The following YEATS4 variants were observed in gnomAD, a reference collection of about 807,000 sequenced individuals.
The protein encoded by YEATS4 is YEATS domain-containing protein 4.
YEATS4 carries 17 observed loss-of-function variants against 30.1 expected under a neutral mutation model. The observed-to-expected ratio is 0.56, with a 90% CI of 0.39 to 0.85. The LOEUF is 0.85. Ranked by LOEUF, YEATS4 falls within the 40% of genes least tolerant of loss-of-function variation. YEATS4 has a pLI of 0.00. For missense variants in YEATS4, 142 were observed against 268.3 expected (o/e 0.53, Z 3.29); for synonymous variants, 85 against 87.5 (o/e 0.97, Z 0.16).
chr12:69,383,868 G>T (rs1283434838), intron 6 of YEATS4, among the ~76,000 whole-genome samples: 1 of 152,152 alleles, frequency 6.6e-6, no homozygotes, highest in Non-Finnish European at 1.5e-5. Flanking sequence ...AGCAAGATAC[G>T]GGGTCAAGAG....
At chr12:69,367,804 G>C (rs1379314138) in intron 4 of YEATS4, among the ~76,000 whole-genome samples, 3 of 152,202 alleles carry the variant, frequency 2.0e-5, no homozygotes, top group Non-Finnish European at 4.4e-5. Context: ...GATGTTGAGA[G>C]GGAGAGAGAA....
the YEATS4 span, among the ~76,000 whole-genome samples, chr12:69,426,435 A>G: frequency 2.6e-5 from 4 of 152,132 alleles, no homozygotes; most frequent in African/African-American, 4.8e-5. Context: ...CAGTGGCGCC[A>G]TCTCGGCTCA....
chr12:69,425,428 T>C, the YEATS4 span, among the ~76,000 whole-genome samples: 1 of 152,214 alleles, frequency 6.6e-6, no homozygotes, highest in Admixed American at 6.5e-5. Context: ...CAGATTTGCC[T>C]GACTGGCTTC....
intron 6 of YEATS4, among the ~76,000 whole-genome samples, chr12:69,375,196 G>T (rs1268255901): frequency 1.3e-5 from 2 of 149,732 alleles, no homozygotes; most frequent in Admixed American, 6.6e-5. Flanking sequence ...CGGGGCGGCC[G>T]GTCAGAGACG....
chr12:69,415,765 G>C, the YEATS4 span, among the ~76,000 whole-genome samples: 1 of 152,144 alleles, frequency 6.6e-6, no homozygotes, highest in Non-Finnish European at 1.5e-5. Context: ...GCCAGTCGGG[G>C]ATCCATCCAT....
the YEATS4 span, among the ~76,000 whole-genome samples, chr12:69,401,956 G>A: frequency 6.6e-6 from 1 of 152,156 alleles, no homozygotes; most frequent in Non-Finnish European, 1.5e-5. Context: ...TCTCCCAGAT[G>A]CAGCTGTGAA....
At chr12:69,402,561 G>A in the YEATS4 span, among the ~76,000 whole-genome samples, 1 of 152,226 alleles carries the variant, frequency 6.6e-6, no homozygotes, top group South Asian at 2.1e-4. Flanking sequence ...TATGGTCTCT[G>A]TCGTAGATCC....
the YEATS4 span, among the ~76,000 whole-genome samples, chr12:69,416,015 C>A: frequency 6.6e-6 from 1 of 152,238 alleles, no homozygotes; most frequent in African/African-American, 2.4e-5. Flanking sequence ...TCTGTCAGCA[C>A]TTCTGTGAGA....
At chr12:69,407,460 TC>T in the YEATS4 span, among the ~76,000 whole-genome samples, 203 of 152,184 alleles carry the variant, frequency 1.3e-3, no homozygotes, top group South Asian at 3.5e-3. Context: ...GATCTAGAAT[TC>T]TTTTGTTTGT....
intron 6 of YEATS4, among the ~76,000 whole-genome samples, chr12:69,388,600 C>A (rs537285817): frequency 1.2e-4 from 19 of 152,264 alleles, no homozygotes; most frequent in African/African-American, 4.3e-4. Flanking sequence ...AGATATTTTT[C>A]TTTGTAAAAC....
intron 2 of YEATS4, among the ~76,000 whole-genome samples, chr12:69,365,186 A>G (rs74350795): frequency 2.3e-3 from 348 of 152,108 alleles, no homozygotes; most frequent in African/African-American, 7.9e-3. Context: ...GCGGTGGCTC[A>G]CGCCTGTAAT....
At chr12:69,369,979 C>G (rs1244560857) in intron 4 of YEATS4, among the ~76,000 whole-genome samples, 5 of 152,156 alleles carry the variant, frequency 3.3e-5, no homozygotes, top group Non-Finnish European at 5.9e-5. Context: ...GTGTACCCTT[C>G]CTTGCTCCCT....
At chr12:69,393,511 G>GAA (rs11443013), downstream of YEATS4, among the ~76,000 whole-genome samples, 18 of 143,554 alleles carry the variant, frequency 1.3e-4, no homozygotes, top group East Asian at 8.1e-4. Flanking sequence ...TACCAGCTAG[G>GAA]AAAAAAAAAA....
chr12:69,413,049 T>C, the YEATS4 span, among the ~76,000 whole-genome samples: 2 of 152,008 alleles, frequency 1.3e-5, no homozygotes, highest in Non-Finnish European at 2.9e-5. Flanking sequence ...GTGCTAGGGG[T>C]GTTTGCACAG....
Position 69,388,514 on chromosome 12 carries a change from A to C in YEATS4, c.515-1633A>C, listed in dbSNP as rs762477526. 8.4e-4 allele frequency among the ~76,000 whole-genome samples: 128 copies of C among 152,308 alleles called. 1 individual carries two copies. Among genetic ancestry groups the C allele is most frequent in the Non-Finnish European group, 1.3e-3 (88 of 68,032 alleles). Reference sequence around the variant, plus strand: ...TTAGTGACCATCTTTTATTAGTGAAAGTAAGTATAAGTGTACTTTAATAGT... The same window carrying C: ...TTAGTGACCATCTTTTATTAGTGAACGTAAGTATAAGTGTACTTTAATAGT... On this transcript the variant is annotated intron_variant, in intron 6 of 6. Coordinates refer to ENST00000247843, the MANE Select transcript of YEATS4 (RefSeq NM_006530.4).
intron 6 of YEATS4, among the ~76,000 whole-genome samples, chr12:69,382,704 G>A (rs766978791): frequency 2.6e-5 from 4 of 152,220 alleles, no homozygotes; most frequent in East Asian, 1.9e-4. Flanking sequence ...ACTCTTTCCT[G>A]TGTGTGGAGG....
chr12:69,414,646 T>G, the YEATS4 span, among the ~76,000 whole-genome samples: 592 of 152,330 alleles, frequency 3.9e-3, 3 homozygotes, highest in African/African-American at 0.013. Context: ...AACATTTTAT[T>G]GAGTTTGCTT....
chr12:69,396,049 A>T, the YEATS4 span, among the ~76,000 whole-genome samples: 2 of 151,858 alleles, frequency 1.3e-5, no homozygotes, highest in African/African-American at 4.8e-5. Flanking sequence ...TCAATCCCCA[A>T]CTCTAGGTAG....
Position 69,365,801 on chromosome 12 carries a change from C to T in YEATS4, c.250C>T (p.Pro84Ser). Residue 84 changes from proline (P) to serine (S), a missense_variant, in exon 4 of 7, where the codon CCT (proline) becomes TCT (serine). By Grantham distance (74) the Pro-to-Ser change is moderately conservative. Transcript: ENST00000247843. ...YGNPLRVVTK[P>S]PYEITETGWG... ...TTTTCTGTCTTTAGTTGTTACTAAACCTCCATATGAAATTACTGAAACAGG... is the reference window on the plus strand; with the variant it reads ...TTTTCTGTCTTTAGTTGTTACTAAATCTCCATATGAAATTACTGAAACAGG... 1 of 1,608,472 alleles carries T rather than the reference C, an allele frequency of 6.2e-7. No homozygotes were observed. The highest frequency in any genetic ancestry group is 8.5e-7 in the Non-Finnish European group (1 of 1,177,798).
Sources: allele counts gnomAD v4.1 joint callset (sites outside exome capture counted in the v4.1 genomes callset), GRCh38; gene constraint gnomAD v4.1.1; transcripts MANE v1.5; gene names NCBI Gene and HGNC (gene_info 2026-07-23, HGNC 2026-07-21).